Variants in CNGB3 observed in about 807,000 individuals in gnomAD.
The protein encoded by CNGB3 is cyclic nucleotide gated channel subunit beta 3.
In CNGB3, 86 loss-of-function variants were observed where a neutral mutation model predicts 92.8. The observed-to-expected ratio is 0.93, with a 90% CI of 0.78 to 1.11. The LOEUF is 1.11. Among genes scored for constraint, CNGB3 ranks in the 50% least tolerant of loss-of-function variants. The probability of loss-of-function intolerance (pLI) is 0.00; values close to 1 mark genes in which losing one functional copy is unlikely to be tolerated. For missense variants in CNGB3, 1,026 were observed against 956.8 expected, an observed-to-expected ratio of 1.07 and a Z score of -0.95; for synonymous variants, 333 against 332.7, an observed-to-expected ratio of 1.00 and a Z score of -0.01.
At chr8:86,704,597 T>C (rs146265524) in intron 3 of CNGB3, among the ~76,000 whole-genome samples, 29 of 152,284 alleles carry the variant, frequency 1.9e-4, no homozygotes, top group Admixed American at 5.9e-4. Flanking sequence ...CATCAGGGAC[T>C]TGGAGGTTTC....
intron 7 of CNGB3, among the ~76,000 whole-genome samples, chr8:86,652,016 T>G (rs9297943): frequency 0.59 from 89,451 of 151,666 alleles, 27,249 homozygotes; most frequent in East Asian, 0.79. Flanking sequence ...GGTATAGACA[T>G]ACAAGCCTAG....
chr8:86,656,718 C>T (rs1823511539), intron 6 of CNGB3, among the ~76,000 whole-genome samples: 1 of 152,096 alleles, frequency 6.6e-6, no homozygotes, highest in Non-Finnish European at 1.5e-5. Flanking sequence ...CTTCTTTCTG[C>T]TCCCACCCCC....
At chr8:86,717,034 A>G (rs941052104) in intron 3 of CNGB3, among the ~76,000 whole-genome samples, 3 of 152,180 alleles carry the variant, frequency 2.0e-5, no homozygotes, top group Non-Finnish European at 2.9e-5. Context: ...AAGATATTCC[A>G]GCAAATGGAC....
At chr8:86,735,142 G>T (rs1358958870) in intron 2 of CNGB3, among the ~76,000 whole-genome samples, 6 of 3,996 alleles carry the variant, frequency 1.5e-3, no homozygotes, top group African/African-American at 1.4e-3. Flanking sequence ...TAAAATGGTT[G>T]CCTTTTTTTT....
chr8:86,578,914 C>A (rs760788516), intron 16 of CNGB3, 51 bp from the exon 17 acceptor site: 5 of 1,609,520 alleles, frequency 3.1e-6, no homozygotes, highest in Non-Finnish European at 4.3e-6. Context: ...AGAGTTCTGG[C>A]AAAATCTACT....
intron 2 of CNGB3, among the ~76,000 whole-genome samples, chr8:86,734,011 G>A (rs1417654184): frequency 6.6e-6 from 1 of 152,032 alleles, no homozygotes; most frequent in African/African-American, 2.4e-5. Context: ...GGAACTACAG[G>A]CGGGTGCTAC....
At chr8:86,669,894 A>G (rs1419409266) in intron 4 of CNGB3, among the ~76,000 whole-genome samples, 1 of 151,378 alleles carries the variant, frequency 6.6e-6, no homozygotes, top group Non-Finnish European at 1.5e-5. Flanking sequence ...CTCTGTTGCC[A>G]GGCTGGAGTG....
At chr8:86,698,472 C>T (rs981463411) in intron 3 of CNGB3, among the ~76,000 whole-genome samples, 5 of 152,140 alleles carry the variant, frequency 3.3e-5, no homozygotes, top group African/African-American at 4.8e-5. Context: ...AGAAAACAAT[C>T]GCCTATGGAA....
Position 86,683,855 on chromosome 8 carries a change from A to T in CNGB3, c.339-12757T>A, listed in dbSNP as rs112697123. Among the ~76,000 whole-genome samples the T allele has an allele frequency of 3.1e-3, 473 of 152,298 alleles. 2 individuals carry two copies. The highest frequency in any genetic ancestry group is 0.011 in the African/African-American group (448 of 41,568). On this transcript the variant is annotated intron_variant, in intron 3 of 17. Transcript: ENST00000320005. ...AAAATTAACTCAAAATGGATCATGG[A>T]CTTAAGTGGAGAACATAAAACTATA...
intron 15 of CNGB3, chr8:86,594,093 G>T (rs1445390477): frequency 3.5e-5 from 11 of 313,070 alleles, no homozygotes; most frequent in Non-Finnish European, 6.4e-5. Context: ...GATCCTGGAG[G>T]TCGGGATTGT....
At chr8:86,597,573 AAAG>A (rs1423623875) in intron 15 of CNGB3, among the ~76,000 whole-genome samples, 18 of 152,272 alleles carry the variant, frequency 1.2e-4, no homozygotes, top group Admixed American at 1.2e-3. Flanking sequence ...GATCTTGGTA[AAAG>A]GGTGGGGAAA....
intron 2 of CNGB3, among the ~76,000 whole-genome samples, chr8:86,737,578 A>G (rs1825269378): frequency 6.6e-6 from 1 of 152,208 alleles, no homozygotes; most frequent in Non-Finnish European, 1.5e-5. Flanking sequence ...GAATTATTTA[A>G]AAATTAAAAA....
chr8:86,726,630 C>A lies in CNGB3; in HGVS notation c.239G>T (p.Gly80Val). The A allele has an allele frequency of 6.2e-7, 1 of 1,613,634 alleles. No individual in the cohort carries two copies. The change falls in exon 3 of 18, where the codon GGA becomes GTA. Residue 80 changes from glycine (G) to valine (V), a missense_variant. Coordinates refer to ENST00000320005, the MANE Select transcript of CNGB3 (RefSeq NM_019098.5). ...AGGGTCAGGGTTTGTGGTCAGATCTCCAGAGGAATTTTTCTTGGAGAGTTT... is the reference window on the plus strand; with the variant it reads ...AGGGTCAGGGTTTGTGGTCAGATCTACAGAGGAATTTTTCTTGGAGAGTTT... ...QDKLSKKNSS[G>V]DLTTNPDPQN...
chr8:86,585,019 G>T (rs1163314151), intron 15 of CNGB3, among the ~76,000 whole-genome samples: 1 of 152,066 alleles, frequency 6.6e-6, no homozygotes, highest in Non-Finnish European at 1.5e-5. Flanking sequence ...TCTCCTGTAG[G>T]AAACAAGGCC....
chr8:86,675,960 C>T (rs932313369), intron 3 of CNGB3, among the ~76,000 whole-genome samples: 7 of 152,116 alleles, frequency 4.6e-5, no homozygotes, highest in South Asian at 2.1e-4. Flanking sequence ...ATGGGTGAGG[C>T]GAGTTAAGTT....
intron 13 of CNGB3, among the ~76,000 whole-genome samples, chr8:86,620,335 G>A (rs564983431): frequency 6.6e-6 from 1 of 152,326 alleles, no homozygotes; most frequent in South Asian, 2.1e-4. Context: ...AAAGGCTTAA[G>A]ATCAAGGCAT....
At chr8:86,677,703 T>C (rs1314619934) in intron 3 of CNGB3, among the ~76,000 whole-genome samples, 1 of 152,102 alleles carries the variant, frequency 6.6e-6, no homozygotes, top group African/African-American at 2.4e-5. Context: ...AGGTAAGAGT[T>C]TGAAAAAGGA....
intron 15 of CNGB3, among the ~76,000 whole-genome samples, chr8:86,595,813 GA>G (rs1442065334): frequency 6.6e-6 from 1 of 152,140 alleles, no homozygotes; most frequent in Non-Finnish European, 1.5e-5. Context: ...GTATTCAGAA[GA>G]AATAGACAAT....
intron 6 of CNGB3, among the ~76,000 whole-genome samples, chr8:86,654,540 T>C (rs751452695): frequency 6.6e-6 from 1 of 152,178 alleles, no homozygotes; most frequent in Non-Finnish European, 1.5e-5. Context: ...AACGGTAATC[T>C]ATCTGAGGAC....
Sources: gnomAD v4.1 joint callset for allele counts (sites outside exome capture counted in the v4.1 genomes callset) on GRCh38, gnomAD v4.1.1 for gene constraint, MANE v1.5 for transcripts, NCBI Gene and HGNC (gene_info 2026-07-23, HGNC 2026-07-21) for gene names.